The following ZNF397 variants were observed in gnomAD, a reference collection of about 807,000 sequenced individuals.
The protein encoded by ZNF397 is zinc finger protein 397.
Under a neutral mutation model 50.6 loss-of-function variants are expected in ZNF397, and 38 were observed. The observed-to-expected ratio is 0.75, with a 90% CI of 0.58 to 0.98. The LOEUF (loss-of-function observed/expected upper bound fraction) is 0.98, where lower values mean the gene tolerates loss of function less well. Among genes scored for constraint, ZNF397 ranks in the 50% least tolerant of loss-of-function variants. The pLI is 0.00. For synonymous variants in ZNF397, 228 were observed against 215.2 expected (o/e 1.06, Z -0.52); for missense variants, 624 against 624.1 (o/e 1.00, Z 0.00).
Position 35,245,656 on chromosome 18 carries a change from G to C in ZNF397, c.951G>C (p.Gln317His), listed in dbSNP as rs139682712. 3 of 1,553,954 alleles carry C rather than the reference G, an allele frequency of 1.9e-6. No homozygotes were observed. The highest frequency in any genetic ancestry group is 3.9e-5 in the Admixed American group (2 of 51,124). Residue 317 changes from glutamine (Q) to histidine (H), a missense_variant, in exon 4 of 4, where the codon CAG (glutamine) becomes CAC (histidine). Coordinates refer to ENST00000330501, the MANE Select transcript of ZNF397 (RefSeq NM_001135178.3). ...HTGEKPYKCN[Q>H]CGKAFSLRSY... The stretch of plus-strand genomic sequence containing the variant: ...GAGAAAAGCCCTATAAATGTAACCA[G>C]TGTGGGAAGGCCTTTAGTTTGAGGT...
chr18:35,245,851 A>T lies in ZNF397; in HGVS notation c.1146A>T (p.Ser382=). The change falls in exon 4 of 4, where the codon TCA becomes TCT. Residue 382 remains serine, a synonymous_variant. Transcript: ENST00000330501. ...GTGGCAAAGCATTCAGTCAAAGTTC[A>T]TATCTCATTATACATCAAAGAATTC... ...NECGKAFSQS[S]YLIIHQRIHT... is the part of the protein sequence containing the mutation. 6.4e-7 allele frequency: 1 copy of T among 1,553,322 alleles called. No individual in the cohort carries two copies. Among genetic ancestry groups the T allele is most frequent in the South Asian group, 1.2e-5 (1 of 84,146 alleles).
chr18:35,252,109 C>T (rs1475810192), downstream of ZNF397: 2 of 152,206 alleles, frequency 1.3e-5, no homozygotes, highest in Non-Finnish European at 2.9e-5. Context: ...AATTAGTTGT[C>T]ATAAAGCCTG....
chr18:35,255,476 G>A (rs2143658507), intron 5 of ZNF397, among the ~76,000 whole-genome samples: 1 of 152,102 alleles, frequency 6.6e-6, no homozygotes, highest in South Asian at 2.1e-4. Flanking sequence ...TAATTGCTAA[G>A]AGTTAGGATT....
At chr18:35,253,649 A>G, downstream of ZNF397, 3 of 1,614,170 alleles carry the variant, frequency 1.9e-6, no homozygotes, top group South Asian at 1.1e-5. Context: ...TTGATGTTCA[A>G]TAAGGATAGA....
Position 35,247,246 on chromosome 18 carries a change from C to T in ZNF397, c.*936C>T. On this transcript the variant is annotated 3_prime_UTR_variant, in exon 4 of 4. Transcript: ENST00000330501. ...GACAAAACCTGGAGCCCTTGGGCCA[C>T]AGGGTAGTCAAGAGCTTTGTCTTGG... The T allele has an allele frequency of 3.3e-6, 3 of 915,536 alleles. No individual in the cohort carries two copies. The highest frequency in any genetic ancestry group is 3.9e-6 in the Non-Finnish European group (3 of 766,100). The allele number at this position is 915,536 out of a possible 1,614,324, so 56.7% of individuals were successfully genotyped here.
chr18:35,258,814 G>C (rs2043931412), downstream of ZNF397: 1 of 127,308 alleles, frequency 7.9e-6, no homozygotes, highest in Non-Finnish European at 1.6e-5. Flanking sequence ...AGGTTGTAGT[G>C]AGCCAAGATC....
intron 5 of ZNF397, chr18:35,255,022 C>CT (rs1367726932): frequency 6.5e-6 from 1 of 153,502 alleles, no homozygotes; most frequent in Non-Finnish European, 1.5e-5. Flanking sequence ...TTTTTTTTAA[C>CT]TTTAAAAAAA....
At chr18:35,254,340 C>T (rs780029279), downstream of ZNF397, 1 of 1,613,872 alleles carries the variant, frequency 6.2e-7, no homozygotes, top group South Asian at 1.1e-5. Context: ...TCAACAATTT[C>T]TTGCTTTGCC....
At position 35,246,853 on chromosome 18, in the gene ZNF397, G is replaced by T. The variant is rs2043491548; in HGVS notation, c.*543G>T. The T allele has an allele frequency of 3.0e-6, 3 of 985,472 alleles. No individual in the cohort carries two copies. The highest frequency in any genetic ancestry group is 3.6e-6 in the Non-Finnish European group (3 of 830,032). The allele number at this position is 985,472 out of a possible 1,614,324, so 61.0% of individuals were successfully genotyped here. On this transcript the variant is annotated 3_prime_UTR_variant, in exon 4 of 4. Transcript: ENST00000330501. Reference sequence around the variant, plus strand: ...AAGAAAGAATATAATTTACCCAAAGGTTATTTTTTGAGTACCTACTTTGTC... The same window carrying T: ...AAGAAAGAATATAATTTACCCAAAGTTTATTTTTTGAGTACCTACTTTGTC...
chr18:35,252,284 A>G (rs912597571), downstream of ZNF397: 20 of 152,248 alleles, frequency 1.3e-4, no homozygotes, highest in African/African-American at 4.8e-4. Context: ...ACACAGGGAA[A>G]GAATGCATAT....
Position 35,245,361 on chromosome 18 carries a change from A to C in ZNF397, c.656A>C (p.Glu219Ala), listed in dbSNP as rs1295714097. 6.2e-7 allele frequency: 1 copy of C among 1,611,308 alleles called. No individual in the cohort carries two copies. ...EPSFRGISEH[E>A]SNLVWKQGSA... The stretch of plus-strand genomic sequence containing the variant: ...TCATTTCGAGGAATTAGTGAGCATG[A>C]AAGCAATTTAGTGTGGAAGCAAGGA... Residue 219 changes from glutamate (E) to alanine (A), a missense_variant, in exon 4 of 4, where the codon GAA (glutamate) becomes GCA (alanine). By Grantham distance (107) the Glu-to-Ala change is moderately radical (BLOSUM62 -1). Coordinates refer to ENST00000330501, the MANE Select transcript of ZNF397 (RefSeq NM_001135178.3).
At chr18:35,251,471 T>TC (rs1169913097), downstream of ZNF397, 2 of 152,090 alleles carry the variant, frequency 1.3e-5, no homozygotes, top group Admixed American at 1.3e-4. Flanking sequence ...GGCCGAATTG[T>TC]CCCCCCAATT....
In ZNF397 at chr18:35,245,863, A is replaced by G; in HGVS notation, c.1158A>G (p.Ile386Met). Reference protein sequence around the residue: ...KAFSQSSYLIIHQRIHTGEKP... With the variant: ...KAFSQSSYLIMHQRIHTGEKP... ...TCAGTCAAAGTTCATATCTCATTAT[A>G]CATCAAAGAATTCACACTGGTGAGA... Residue 386 changes from isoleucine (I) to methionine (M), a missense_variant, in exon 4 of 4, where the codon ATA becomes ATG. Transcript: ENST00000330501. 2 of 1,554,794 alleles carry G rather than the reference A, an allele frequency of 1.3e-6. No individual in the cohort carries two copies. Among genetic ancestry groups the G allele is most frequent in the Non-Finnish European group, 1.7e-6 (2 of 1,148,832 alleles).
chr18:35,253,374 CTT>C (rs2043663356), downstream of ZNF397: 1 of 1,321,252 alleles, frequency 7.6e-7, no homozygotes, highest in South Asian at 1.6e-5. Context: ...TCTCAGGAAA[CTT>C]TTCTTTTCTG....
At chr18:35,254,127 G>C (rs746722744), downstream of ZNF397, 2 of 1,614,172 alleles carry the variant, frequency 1.2e-6, no homozygotes, top group Non-Finnish European at 1.7e-6. Flanking sequence ...AGGACACTGT[G>C]TTCTGTGGGG....
downstream of ZNF397, chr18:35,253,646 T>A (rs773835198): frequency 6.2e-7 from 1 of 1,613,892 alleles, no homozygotes; most frequent in Admixed American, 1.7e-5. Context: ...TCTTTGATGT[T>A]CAATAAGGAT....
chr18:35,256,148 T>C (rs919520340), intron 5 of ZNF397: 1 of 152,418 alleles, frequency 6.6e-6, no homozygotes, highest in Admixed American at 6.5e-5. Context: ...TGTCCTCAGA[T>C]GTATACATCA....
At position 35,246,538 on chromosome 18, in the gene ZNF397, T is replaced by C. The variant is rs779322416; in HGVS notation, c.*228T>C. The stretch of plus-strand genomic sequence containing the variant: ...AGAATCATTACTTCCAGCTCTTCTC[T>C]TATTAGGAATACTCAGGAAATACGA... On this transcript the variant is annotated 3_prime_UTR_variant, in exon 4 of 4. Coordinates refer to ENST00000330501, the MANE Select transcript of ZNF397 (RefSeq NM_001135178.3). The C allele has an allele frequency of 1.8e-4, 239 of 1,298,100 alleles. 1 individual carries two copies. The highest frequency in any genetic ancestry group is 2.3e-4 in the Non-Finnish European group (236 of 1,025,888). The allele number at this position is 1,298,100 out of a possible 1,614,324, so 80.4% of individuals were successfully genotyped here.
At position 35,243,255 on chromosome 18, in the gene ZNF397, A is replaced by T; in HGVS notation, c.518A>T (p.Gln173Leu). The T allele has an allele frequency of 6.2e-7, 1 of 1,614,244 alleles. No homozygotes were observed. Among genetic ancestry groups the T allele is most frequent in the Non-Finnish European group, 8.5e-7 (1 of 1,180,044 alleles). The part of the protein sequence containing the change: ...TDIHLQPLKT[Q>L]LKSWKPCLSP... ...ATCCACCTCCAGCCCTTAAAGACAC[A>T]GCTGAAATCCTGGAAACCATGCCTT... The change falls in exon 3 of 4, where the codon CAG (glutamine) becomes CTG (leucine). Residue 173 changes from glutamine (Q) to leucine (L), a missense_variant. Transcript: ENST00000330501.
Sources: allele counts gnomAD v4.1 joint callset (sites outside exome capture counted in the v4.1 genomes callset), GRCh38; gene constraint gnomAD v4.1.1; transcripts MANE v1.5; gene names NCBI Gene and HGNC (gene_info 2026-07-23, HGNC 2026-07-21).